Variants in PHACTR2 observed in about 807,000 individuals in gnomAD.
The protein encoded by PHACTR2 is phosphatase and actin regulator 2, also known as chromosome 6 open reading frame 56.
In PHACTR2, 30 loss-of-function variants were observed where a neutral mutation model predicts 76.0. The observed-to-expected ratio is 0.39, with a 90% CI of 0.30 to 0.54. PHACTR2 has a LOEUF of 0.54. Among genes scored for constraint, PHACTR2 ranks in the 20% least tolerant of loss-of-function variants. PHACTR2 has a pLI of 0.61. For synonymous variants in PHACTR2, 292 were observed against 292.5 expected, an observed-to-expected ratio of 1.00 and a Z score of 0.02; for missense variants, 696 against 781.1, an observed-to-expected ratio of 0.89 and a Z score of 1.30.
chr6:143,707,772 T>C (rs1778086830), intron 1 of PHACTR2, among the ~76,000 whole-genome samples: 1 of 152,188 alleles, frequency 6.6e-6, no homozygotes. Flanking sequence ...GACTGGGTAA[T>C]TTATGTAGAA....
In PHACTR2 at chr6:143,652,405, T is replaced by TTTGTTTGC. The variant is rs1229980829; in HGVS notation, c.13+44090_13+44091insCTTGTTTG. ...ACCTGCGCTGCTGTTTGTTTGTTTG[T>TTTGTTTGC]TTGTTTGTTTGTTTTTCCCTGTATC... On this transcript the variant is annotated intron_variant, in intron 1 of 11. Transcript: ENST00000305766. This position sits in a 1 kb window ranked among gnomAD's most constrained non-coding sequence, Gnocchi z 4.5. Among the ~76,000 whole-genome samples the TTTGTTTGC allele has an allele frequency of 6.6e-6, 1 of 152,118 alleles. No individual in the cohort carries two copies. Among genetic ancestry groups the TTTGTTTGC allele is most frequent in the African/African-American group, 2.4e-5 (1 of 41,428 alleles).
At chr6:143,785,903 A>G (rs544428117) in intron 10 of PHACTR2, among the ~76,000 whole-genome samples, 1 of 152,262 alleles carries the variant, frequency 6.6e-6, no homozygotes, top group East Asian at 1.9e-4. Context: ...TGCCCACAAA[A>G]CCACTTTTTC....
intron 7 of PHACTR2, among the ~76,000 whole-genome samples, chr6:143,773,679 G>A (rs1775205567): frequency 6.6e-6 from 1 of 152,154 alleles, no homozygotes; most frequent in African/African-American, 2.4e-5. Context: ...AGGATTAACT[G>A]TACAGAATAA....
At position 143,578,515 on chromosome 6, in the gene PHACTR2, C is replaced by G. The variant is rs941589087; in HGVS notation, c.217+41308C>G. ...GAATGGGGCCGAAATGCAGCCCATA[C>G]CCTGCTTGCCAAGCTGGGTACAAAA... On this transcript the variant is annotated intron_variant, in intron 1 of 11. Coordinates refer to the PHACTR2 transcript ENST00000367584. This position sits in a 1 kb window ranked among gnomAD's most constrained non-coding sequence, Gnocchi z 4.5. 2.0e-5 allele frequency among the ~76,000 whole-genome samples: 3 copies of G among 152,118 alleles called. No homozygotes were observed. The highest frequency in any genetic ancestry group is 4.4e-5 in the Non-Finnish European group (3 of 68,024).
rs755981723 is a variant in PHACTR2, at chr6:143,803,170, G to A, written c.1846-3887G>A. ...CCCTCATCCTGTTTAGAGAAAGAAA[G>A]TGCACCTCGCTGCCAGTGCTGATTT... On this transcript the variant is annotated intron_variant, in intron 11 of 12. Coordinates refer to ENST00000440869, the MANE Select transcript of PHACTR2 (RefSeq NM_001100164.2). This position sits in a 1 kb window ranked among gnomAD's most constrained non-coding sequence, Gnocchi z 4.7. 6.6e-6 allele frequency among the ~76,000 whole-genome samples: 1 copy of A among 152,190 alleles called. No homozygotes were observed. The highest frequency in any genetic ancestry group is 2.4e-5 in the African/African-American group (1 of 41,448).
chr6:143,647,317 A>G lies in PHACTR2; in HGVS notation c.13+38995A>G, dbSNP rs1776676618. On this transcript the variant is annotated intron_variant, in intron 1 of 11. Transcript: ENST00000305766. The surrounding 1 kb of genome is among the most constrained non-coding windows in gnomAD (Gnocchi z 4.2). ...AAAGTCACGTGGCTAATGAGTAATA[A>G]CAAGATTCAAAATCAAAACAACCTG... Among the ~76,000 whole-genome samples the G allele has an allele frequency of 6.6e-6, 1 of 152,238 alleles. No individual in the cohort carries two copies. Among genetic ancestry groups the G allele is most frequent in the South Asian group, 2.1e-4 (1 of 4,836 alleles).
chr6:143,693,223 C>CT (rs112039008), intron 1 of PHACTR2, among the ~76,000 whole-genome samples: 37,343 of 151,816 alleles, frequency 0.25, 4,663 homozygotes, highest in Middle Eastern at 0.34. Context: ...TAGTAGTGTC[C>CT]TTTTTTTGTT....
rs1775133189 is a variant in PHACTR2 at position 143,554,111 on chromosome 6, G to A, written c.217+16904G>A. 6.6e-6 allele frequency among the ~76,000 whole-genome samples: 1 copy of A among 152,172 alleles called. No individual in the cohort carries two copies. Among genetic ancestry groups the A allele is most frequent in the Non-Finnish European group, 1.5e-5 (1 of 68,034 alleles). On this transcript the variant is annotated intron_variant, in intron 1 of 11. Coordinates refer to the PHACTR2 transcript ENST00000367584. This position sits in a 1 kb window ranked among gnomAD's most constrained non-coding sequence, Gnocchi z 5.9. ...TTTTGATACAAATGTAGAAAGCAAA[G>A]TTTGGGAGATAACTATTTCATTCAT...
intron 3 of PHACTR2, among the ~76,000 whole-genome samples, chr6:143,752,205 A>G (rs554665054): frequency 6.6e-6 from 1 of 152,246 alleles, no homozygotes; most frequent in African/African-American, 2.4e-5. Context: ...CATGACTTCA[A>G]TATACTTTTA....
At position 143,589,751 on chromosome 6, in the gene PHACTR2, G is replaced by T. The variant is rs1353178468; in HGVS notation, c.217+52544G>T. On this transcript the variant is annotated intron_variant, in intron 1 of 11. Coordinates refer to the PHACTR2 transcript ENST00000367584. The surrounding 1 kb of genome is among the most constrained non-coding windows in gnomAD (Gnocchi z 4.4). ...ACAGTCACATTTCAAGGTCCTGGAA[G>T]CCAGGGCTTCAACATATAAATTTAG... is the stretch of plus-strand genomic sequence containing the variant. Among the ~76,000 whole-genome samples, 1 of 152,188 alleles carries T rather than the reference G, an allele frequency of 6.6e-6. No individual in the cohort carries two copies. Among genetic ancestry groups the T allele is most frequent in the Non-Finnish European group, 1.5e-5 (1 of 68,028 alleles).
upstream of PHACTR2, among the ~76,000 whole-genome samples, chr6:143,605,981 T>C (rs988678110): frequency 7.9e-5 from 12 of 152,174 alleles, no homozygotes; most frequent in Non-Finnish European, 1.8e-4. The surrounding 1 kb of genome is among the most constrained non-coding windows in gnomAD (Gnocchi z 5.0). Flanking sequence ...CATTTTAAAT[T>C]GCAAAAATGG....
chr6:143,759,383 G>A (rs543746794), intron 4 of PHACTR2, among the ~76,000 whole-genome samples: 1 of 152,310 alleles, frequency 6.6e-6, no homozygotes, highest in East Asian at 1.9e-4. Flanking sequence ...GCCAGGCATG[G>A]TGGCTCATGC....
At chr6:143,735,087 A>G (rs1157447805) in intron 2 of PHACTR2, among the ~76,000 whole-genome samples, 1 of 152,080 alleles carries the variant, frequency 6.6e-6, no homozygotes, top group Non-Finnish European at 1.5e-5. Context: ...TGCAATCTTA[A>G]TTTTTACTTC....
intron 1 of PHACTR2, among the ~76,000 whole-genome samples, chr6:143,576,570 T>C (rs1036267192): frequency 6.6e-6 from 1 of 152,158 alleles, no homozygotes; most frequent in Non-Finnish European, 1.5e-5. Flanking sequence ...GTTTTTAAAG[T>C]TAACTTAAAA....
At chr6:143,727,290 C>CT (rs113254871) in intron 2 of PHACTR2, among the ~76,000 whole-genome samples, 2,449 of 148,710 alleles carry the variant, frequency 0.016, 77 homozygotes, top group African/African-American at 0.055. Context: ...GGATTTTATT[C>CT]TTTTTTTTTT....
Position 143,662,838 on chromosome 6 carries a change from A to G in PHACTR2, c.14-49178A>G, listed in dbSNP as rs545538358. ...ACCCAGACAGTGAGCAGAGTACCCA[A>G]TAGGTAGTTTTTCAACCCACATTCT... On this transcript the variant is annotated intron_variant, in intron 1 of 11. Transcript: ENST00000305766. The surrounding 1 kb of genome is among the most constrained non-coding windows in gnomAD (Gnocchi z 4.7). Among the ~76,000 whole-genome samples, 20 of 152,262 alleles carry G rather than the reference A, an allele frequency of 1.3e-4. 1 individual carries two copies. The highest frequency in any genetic ancestry group is 1.0e-3 in the South Asian group (5 of 4,824).
intron 12 of PHACTR2, among the ~76,000 whole-genome samples, chr6:143,815,658 C>T (rs1159466550): frequency 2.0e-5 from 3 of 151,876 alleles, no homozygotes; most frequent in Non-Finnish European, 2.9e-5. Flanking sequence ...TTTGGGAGGC[C>T]GAGGTAGGTG....
chr6:143,790,940 G>A (rs1417274843), intron 11 of PHACTR2, among the ~76,000 whole-genome samples: 6 of 152,188 alleles, frequency 3.9e-5, no homozygotes, highest in Admixed American at 3.9e-4. Context: ...GCCTCCCAAA[G>A]TGCTGGGATT....
In PHACTR2 at chr6:143,695,154, G is replaced by A. The variant is rs1345363251; in HGVS notation, c.47-16862G>A. Among the ~76,000 whole-genome samples the A allele has an allele frequency of 2.6e-5, 4 of 152,160 alleles. No individual in the cohort carries two copies. Among genetic ancestry groups the A allele is most frequent in the Admixed American group, 6.5e-5 (1 of 15,278 alleles). On this transcript the variant is annotated intron_variant, in intron 1 of 12. Coordinates refer to ENST00000440869, the MANE Select transcript of PHACTR2 (RefSeq NM_001100164.2). The surrounding 1 kb of genome is among the most constrained non-coding windows in gnomAD (Gnocchi z 4.4). ...GGACCAGGAATTGCCTTGAGATGGC[G>A]AGATACAAGCATTCTACAAAGGCTG...
Sources: allele counts gnomAD v4.1 joint callset (sites outside exome capture counted in the v4.1 genomes callset), GRCh38; gene constraint gnomAD v4.1.1; non-coding constraint Gnocchi (gnomAD v3.1); transcripts MANE v1.5; gene names NCBI Gene and HGNC (gene_info 2026-07-23, HGNC 2026-07-21).